Variants in CAMTA1 observed in about 807,000 individuals in gnomAD.
The protein encoded by CAMTA1 is calmodulin-binding transcription activator 1.
Under a neutral mutation model 170.9 loss-of-function variants are expected in CAMTA1, and 27 were observed. The ratio of observed to expected loss-of-function variants is 0.16; its 90% CI spans 0.12 to 0.22. The LOEUF is 0.22. Ranked by LOEUF, CAMTA1 falls within the 10% of genes least tolerant of loss-of-function variation. The pLI is 1.00. For missense variants in CAMTA1, 1,619 were observed against 2,217.2 expected, an observed-to-expected ratio of 0.73 and a Z score of 5.42; for synonymous variants, 833 against 891.5, an observed-to-expected ratio of 0.93 and a Z score of 1.17.
intron 3 of CAMTA1, among the ~76,000 whole-genome samples, chr1:6,829,750 C>T (rs920792812): frequency 6.6e-6 from 1 of 152,208 alleles, no homozygotes; most frequent in Non-Finnish European, 1.5e-5. Flanking sequence ...GCCGCTGCAG[C>T]CCGACTTTGA....
At chr1:7,757,648 A>C (rs1382518652) in intron 22 of CAMTA1, among the ~76,000 whole-genome samples, 1 of 152,062 alleles carries the variant, frequency 6.6e-6, no homozygotes, top group African/African-American at 2.4e-5. Context: ...GTGCAGGAGA[A>C]TCTGTTGAAC....
chr1:7,100,089 G>A (rs1443466812), intron 4 of CAMTA1, among the ~76,000 whole-genome samples: 1 of 152,076 alleles, frequency 6.6e-6, no homozygotes, highest in Non-Finnish European at 1.5e-5. Context: ...TCTGCCTTCC[G>A]TGGCACCTAC....
intron 3 of CAMTA1, among the ~76,000 whole-genome samples, chr1:7,002,638 A>G (rs1698397327): frequency 6.6e-6 from 1 of 152,226 alleles, no homozygotes; most frequent in African/African-American, 2.4e-5. Flanking sequence ...TGGATCTATC[A>G]TATCGCTCCA....
intron 17 of CAMTA1, among the ~76,000 whole-genome samples, chr1:7,745,640 C>G (rs542919451): frequency 6.6e-6 from 1 of 152,256 alleles, no homozygotes; most frequent in East Asian, 1.9e-4. Context: ...TAGCATAGTA[C>G]TAAAGTTATG....
At chr1:7,498,795 GCATGTGTGTA>G (rs1388504555) in intron 6 of CAMTA1, among the ~76,000 whole-genome samples, 2 of 147,990 alleles carry the variant, frequency 1.4e-5, no homozygotes, top group Admixed American at 1.3e-4. Flanking sequence ...GTATGTGTGT[GCATGTGTGTA>G]CATGTGTGTA....
chr1:7,513,871 A>C (rs1052786775), intron 6 of CAMTA1, among the ~76,000 whole-genome samples: 1 of 152,132 alleles, frequency 6.6e-6, no homozygotes, highest in East Asian at 1.9e-4. Context: ...GCAGTGAGCC[A>C]AGATTGCACC....
intron 6 of CAMTA1, among the ~76,000 whole-genome samples, chr1:7,528,153 G>A (rs906097630): frequency 2.0e-5 from 3 of 152,258 alleles, no homozygotes; most frequent in Admixed American, 6.5e-5. Flanking sequence ...TTAGATTGAC[G>A]AGAGCAGACT....
rs116249563 is a variant in CAMTA1 at position 6,911,867 on chromosome 1, A to G, written c.234+86657A>G. Among the ~76,000 whole-genome samples, 366 of 152,368 alleles carry G rather than the reference A, an allele frequency of 2.4e-3. 2 individuals are homozygous for G. Among genetic ancestry groups the G allele is most frequent in the African/African-American group, 8.4e-3 (350 of 41,592 alleles). On this transcript the variant is annotated intron_variant, in intron 3 of 22. Coordinates refer to ENST00000303635, the MANE Select transcript of CAMTA1 (RefSeq NM_015215.4). ...CCTGCATCAAGCATATTCCTGGCAC[A>G]CACTGAGGGCACAGGAGATATTTGA...
chr1:7,055,894 C>T (rs1707250184), intron 3 of CAMTA1, among the ~76,000 whole-genome samples: 1 of 152,204 alleles, frequency 6.6e-6, no homozygotes, highest in African/African-American at 2.4e-5. Context: ...TTCTGCAGAG[C>T]CCTCTGAGTT....
intron 5 of CAMTA1, among the ~76,000 whole-genome samples, chr1:7,320,650 T>TG (rs1491309438): frequency 1.7e-4 from 11 of 66,236 alleles, no homozygotes; most frequent in South Asian, 9.8e-4. Flanking sequence ...GCTGTGTGTG[T>TG]TTTTTTTTTT....
At chr1:7,471,148 G>A (rs1332546486) in intron 6 of CAMTA1, among the ~76,000 whole-genome samples, 1 of 152,226 alleles carries the variant, frequency 6.6e-6, no homozygotes, top group Non-Finnish European at 1.5e-5. Context: ...GCTTTCAGGG[G>A]AGGGTGCTAC....
intron 3 of CAMTA1, among the ~76,000 whole-genome samples, chr1:6,896,754 G>A (rs559327497): frequency 3.3e-5 from 5 of 152,262 alleles, no homozygotes; most frequent in East Asian, 3.9e-4. Flanking sequence ...AACTCACTGA[G>A]TCTCAAATGT....
intron 5 of CAMTA1, among the ~76,000 whole-genome samples, chr1:7,253,144 G>A (rs1666870806): frequency 6.6e-6 from 1 of 152,194 alleles, no homozygotes; most frequent in South Asian, 2.1e-4. Flanking sequence ...ATCTCAGCAG[G>A]TCTGGAGTTG....
intron 5 of CAMTA1, among the ~76,000 whole-genome samples, chr1:7,347,350 C>G (rs950256175): frequency 6.6e-6 from 1 of 152,144 alleles, no homozygotes; most frequent in Non-Finnish European, 1.5e-5. Context: ...CAGAGTGGTC[C>G]GGTGCCCAGG....
At chr1:7,474,627 G>A (rs2093390358) in intron 6 of CAMTA1, among the ~76,000 whole-genome samples, 2 of 152,206 alleles carry the variant, frequency 1.3e-5, no homozygotes, top group Non-Finnish European at 2.9e-5. Context: ...CGTTGAGCTA[G>A]GCTGAGCCAG....
chr1:7,368,895 T>C (rs555510929), intron 5 of CAMTA1: 37 of 152,484 alleles, frequency 2.4e-4, no homozygotes, highest in African/African-American at 8.2e-4. Context: ...CCAGTCACTA[T>C]GCCTTCTTGA....
At chr1:6,919,753 T>A (rs773169643) in intron 3 of CAMTA1, among the ~76,000 whole-genome samples, 4 of 152,186 alleles carry the variant, frequency 2.6e-5, no homozygotes, top group Non-Finnish European at 5.9e-5. Flanking sequence ...GAGGAGCAAG[T>A]CACCTTATGC....
chr1:7,066,626 C>T (rs949723059), intron 3 of CAMTA1, among the ~76,000 whole-genome samples: 1 of 152,212 alleles, frequency 6.6e-6, no homozygotes, highest in East Asian at 1.9e-4. Flanking sequence ...TTGAAGCTGA[C>T]TCCTTGCTTA....
At chr1:7,321,549 C>T (rs968848779) in intron 5 of CAMTA1, among the ~76,000 whole-genome samples, 3 of 152,192 alleles carry the variant, frequency 2.0e-5, no homozygotes, top group Admixed American at 6.5e-5. Flanking sequence ...GTATTCTGGG[C>T]ATACATGGTA....
Sources: gnomAD v4.1 joint callset for allele counts (sites outside exome capture counted in the v4.1 genomes callset) on GRCh38, gnomAD v4.1.1 for gene constraint, MANE v1.5 for transcripts, NCBI Gene and HGNC (gene_info 2026-07-23, HGNC 2026-07-21) for gene names.